CFTR: variants seen among roughly 807,000 people sequenced by gnomAD.
The protein encoded by CFTR is cystic fibrosis transmembrane conductance regulator.
A neutral mutation model predicts 171.6 loss-of-function variants in CFTR; 181 were observed. The ratio of observed to expected loss-of-function variants is 1.05; its 90% CI spans 0.93 to 1.19. The LOEUF (loss-of-function observed/expected upper bound fraction) is 1.19, where lower values mean the gene tolerates loss of function less well. Ranked by LOEUF, CFTR falls within the 50% of genes most tolerant of loss-of-function variation. CFTR has a pLI of 0.00. For missense variants in CFTR, 1,968 were observed against 1,734.7 expected (o/e 1.13, Z -2.39); for synonymous variants, 583 against 608.0 (o/e 0.96, Z 0.60).
rs397508479 is a variant in CFTR at position 117,610,544 on chromosome 7, T to C, written c.3014T>C (p.Ile1005Thr). The part of the protein sequence containing the change: ...IQLLLIVIGA[I>T]AVVAVLQPYI... ...TTGTTATTAATTGTGATTGGAGCTA[T>C]AGCAGTTGTCGCAGTTTTACAACCC... Residue 1005 changes from isoleucine (I) to threonine (T), a missense_variant, in exon 19 of 27, where the codon ATA becomes ACA. By Grantham distance (89) the Ile-to-Thr change is moderately conservative. Coordinates refer to ENST00000003084, the MANE Select transcript of CFTR (RefSeq NM_000492.4). The C allele has an allele frequency of 1.2e-6, 2 of 1,613,430 alleles. No individual in the cohort carries two copies. The highest frequency in any genetic ancestry group is 2.2e-5 in the South Asian group (2 of 91,072).
intron 3 of CFTR, among the ~76,000 whole-genome samples, chr7:117,509,839 G>A (rs556639933): frequency 6.6e-6 from 1 of 152,222 alleles, no homozygotes; most frequent in East Asian, 1.9e-4. Flanking sequence ...TATAAAAGGA[G>A]ACAGATTCAA....
At chr7:117,481,516 A>G (rs778602432) in intron 1 of CFTR, among the ~76,000 whole-genome samples, 2 of 152,200 alleles carry the variant, frequency 1.3e-5, no homozygotes, top group African/African-American at 2.4e-5. Flanking sequence ...GTGGGTTTTT[A>G]TATAATTTTC....
intron 2 of CFTR, among the ~76,000 whole-genome samples, chr7:117,505,296 A>G (rs1300973761): frequency 6.6e-6 from 1 of 152,096 alleles, no homozygotes; most frequent in Non-Finnish European, 1.5e-5. Flanking sequence ...TTCCTTTCCA[A>G]TCAAAAGGTT....
Position 117,611,714 on chromosome 7 carries a change from G to A in CFTR, c.3273G>A (p.Leu1091=), listed in dbSNP as rs752753702. ...ALNLHTANWF[L]YLSTLRWFQM... ...ATTTACATACTGCCAACTGGTTCTT[G>A]TACCTGTCAACACTGCGCTGGTTCC... Residue 1091 remains leucine (L), a synonymous_variant, in exon 20 of 27, where the codon TTG becomes TTA. Transcript: ENST00000003084. The A allele has an allele frequency of 1.9e-6, 3 of 1,613,388 alleles. No individual in the cohort carries two copies. The highest frequency in any genetic ancestry group is 2.5e-6 in the Non-Finnish European group (3 of 1,179,740).
At chr7:117,614,901 A>C (rs770402712) in intron 21 of CFTR, among the ~76,000 whole-genome samples, 188 bp downstream of exon 21, 2 of 152,108 alleles carry the variant, frequency 1.3e-5, no homozygotes, top group African/African-American at 4.8e-5. Flanking sequence ...ATAGATAGCC[A>C]CTATGAAGAT....
chr7:117,524,602 A>C (rs1380393629), intron 3 of CFTR, among the ~76,000 whole-genome samples: 4 of 152,168 alleles, frequency 2.6e-5, no homozygotes, highest in African/African-American at 9.7e-5. Context: ...TTAATTGTAC[A>C]TTTTCCTAAT....
intron 7 of CFTR, 103 bp downstream of exon 7, chr7:117,536,776 A>T: frequency 1.0e-6 from 1 of 984,956 alleles, no homozygotes; most frequent in Non-Finnish European, 1.5e-6. Context: ...GATGTTTGTG[A>T]CAATCAAATG....
rs2116096154 is a variant in CFTR, at chr7:117,614,610, T to C, written c.3368-3T>C. 1 of 1,594,968 alleles carries C rather than the reference T, an allele frequency of 6.3e-7. No individual in the cohort carries two copies. Among genetic ancestry groups the C allele is most frequent in the Non-Finnish European group, 8.6e-7 (1 of 1,162,880 alleles). On this transcript the variant is annotated splice_polypyrimidine_tract_variant and splice_region_variant and intron_variant, in intron 20 of 26. Transcript: ENST00000003084. ...TTCATTTACGTCTTTTGTGCATCTA[T>C]AGGAGAAGGAGAAGGAAGAGTTGGT... is the stretch of plus-strand genomic sequence containing the variant.
chr7:117,503,723 A>T (rs1370114574), intron 1 of CFTR, among the ~76,000 whole-genome samples: 1 of 152,196 alleles, frequency 6.6e-6, no homozygotes, highest in Non-Finnish European at 1.5e-5. Flanking sequence ...TAAGTCAACA[A>T]ATTGATAGAA....
At chr7:117,567,383 G>A (rs1485583966) in intron 11 of CFTR, among the ~76,000 whole-genome samples, 2 of 152,118 alleles carry the variant, frequency 1.3e-5, no homozygotes, top group Non-Finnish European at 2.9e-5. Context: ...TATTCATGAA[G>A]ACCTTTCAGG....
intron 13 of CFTR, among the ~76,000 whole-genome samples, chr7:117,590,963 T>C (rs1478296792): frequency 6.6e-6 from 1 of 152,024 alleles, no homozygotes; most frequent in African/African-American, 2.4e-5. Flanking sequence ...TAGGGTCCAA[T>C]GTACATGAAA....
intron 21 of CFTR, among the ~76,000 whole-genome samples, chr7:117,620,842 C>T (rs1285387147): frequency 3.3e-5 from 5 of 152,140 alleles, no homozygotes; most frequent in Non-Finnish European, 7.4e-5. Flanking sequence ...TGCGGTGGCT[C>T]ATGCCTGTAA....
At position 117,665,274 on chromosome 7, in the gene CFTR, G is replaced by T. The variant is rs1251805833; in HGVS notation, c.4137-185G>T. 3.3e-5 allele frequency among the ~76,000 whole-genome samples: 5 copies of T among 152,250 alleles called. No individual in the cohort carries two copies. In the South Asian group the frequency reaches 8.3e-4, roughly 25 times the overall value. On this transcript the variant is annotated intron_variant, in intron 25 of 26. Coordinates refer to ENST00000003084, the MANE Select transcript of CFTR (RefSeq NM_000492.4). ...GAAATATTTGTCCTGTTTATTTATG[G>T]ATACTTAGAGTCTACCCCATGGTTG...
chr7:117,517,381 T>C (rs1170118410), intron 3 of CFTR, among the ~76,000 whole-genome samples: 1 of 152,222 alleles, frequency 6.6e-6, no homozygotes, highest in Admixed American at 6.5e-5. Context: ...TGCAAGGACA[T>C]GAACTCATCC....
intron 11 of CFTR, among the ~76,000 whole-genome samples, chr7:117,580,045 GA>G (rs1048963603): frequency 1.3e-5 from 2 of 151,438 alleles, no homozygotes; most frequent in African/African-American, 2.4e-5. Context: ...AATACTAGAA[GA>G]AAAAAAGATA....
At chr7:117,565,588 T>C (rs1227832416) in intron 11 of CFTR, among the ~76,000 whole-genome samples, 2 of 152,160 alleles carry the variant, frequency 1.3e-5, no homozygotes, top group Non-Finnish European at 1.5e-5. Flanking sequence ...TTAGGATATA[T>C]AATTGGTCTC....
chr7:117,587,714 T>C (rs967524164), intron 11 of CFTR, 25 bp from the exon 12 acceptor site: 1 of 1,350,600 alleles, frequency 7.4e-7, no homozygotes. Flanking sequence ...AAAGTGACTC[T>C]CTAATTTTCT....
At chr7:117,582,273 C>G (rs1791859838) in intron 11 of CFTR, among the ~76,000 whole-genome samples, 1 of 151,998 alleles carries the variant, frequency 6.6e-6, no homozygotes, top group Non-Finnish European at 1.5e-5. Flanking sequence ...CCAGACAGAC[C>G]AGGGTTCAAA....
At chr7:117,555,486 C>G (rs1012259047) in intron 10 of CFTR, among the ~76,000 whole-genome samples, 13 of 152,314 alleles carry the variant, frequency 8.5e-5, no homozygotes, top group Non-Finnish European at 1.8e-4. Context: ...GAGCAGTTCT[C>G]TCTCCAGTAA....
Sources: gnomAD v4.1 joint callset for allele counts (sites outside exome capture counted in the v4.1 genomes callset) on GRCh38, gnomAD v4.1.1 for gene constraint, MANE v1.5 for transcripts, NCBI Gene and HGNC (gene_info 2026-07-23, HGNC 2026-07-21) for gene names.